The following DOK5 variants were observed in gnomAD, a reference collection of about 807,000 sequenced individuals.
DOK5 encodes the protein downstream of tyrosine kinase 5.
DOK5 carries 27 observed loss-of-function variants against 43.3 expected under a neutral mutation model. The observed-to-expected ratio is 0.62, with a 90% CI of 0.46 to 0.86. The LOEUF (loss-of-function observed/expected upper bound fraction) is 0.86, where lower values mean the gene tolerates loss of function less well. DOK5 is among the 40% of genes least tolerant of loss of function. The pLI is 0.00. For synonymous variants in DOK5, 146 were observed against 140.1 expected, an observed-to-expected ratio of 1.04 and a Z score of -0.30; for missense variants, 373 against 392.9, an observed-to-expected ratio of 0.95 and a Z score of 0.43.
chr20:54,645,629 A>G (rs1290083874), intron 7 of DOK5, among the ~76,000 whole-genome samples: 1 of 152,044 alleles, frequency 6.6e-6, no homozygotes. Context: ...ACTGGAGTGG[A>G]CATCTCTGAT....
intron 1 of DOK5, among the ~76,000 whole-genome samples, chr20:54,485,282 G>C (rs890257810): frequency 6.6e-6 from 1 of 151,490 alleles, no homozygotes; most frequent in African/African-American, 2.4e-5. Context: ...TGCAGTGAGC[G>C]GCGGAGGTTG....
At chr20:54,635,887 G>T (rs73280939) in intron 6 of DOK5, among the ~76,000 whole-genome samples, 3,399 of 152,150 alleles carry the variant, frequency 0.022, 96 homozygotes, top group African/African-American at 0.062. Context: ...TTATTTTTAC[G>T]GCTATAACAG....
chr20:54,563,922 T>G (rs539954159), intron 2 of DOK5, among the ~76,000 whole-genome samples: 1 of 152,154 alleles, frequency 6.6e-6, no homozygotes, highest in Non-Finnish European at 1.5e-5. Context: ...CTTGAACTAA[T>G]GCTAGAAAGA....
chr20:54,510,216 A>AG (rs1469565304), intron 1 of DOK5, among the ~76,000 whole-genome samples: 2 of 152,192 alleles, frequency 1.3e-5, no homozygotes, highest in African/African-American at 2.4e-5. Context: ...TTCTTACTGT[A>AG]GGTTCTCCTT....
chr20:54,536,172 A>G (rs971452138), intron 1 of DOK5, among the ~76,000 whole-genome samples: 8 of 152,228 alleles, frequency 5.3e-5, no homozygotes, highest in Admixed American at 2.0e-4. Context: ...AAATAATTTA[A>G]GGTATTGACT....
At chr20:54,477,310 A>G (rs967999803) in intron 1 of DOK5, among the ~76,000 whole-genome samples, 2 of 152,180 alleles carry the variant, frequency 1.3e-5, no homozygotes, top group African/African-American at 4.8e-5. Context: ...AACATCCGCA[A>G]TTATTATAAA....
intron 2 of DOK5, among the ~76,000 whole-genome samples, chr20:54,578,218 G>C (rs1568792665): frequency 1.3e-5 from 2 of 152,090 alleles, no homozygotes; most frequent in Admixed American, 6.6e-5. Context: ...AATTACTTCA[G>C]GATGTCAAAA....
At chr20:54,592,533 T>G (rs1443563915) in intron 5 of DOK5, among the ~76,000 whole-genome samples, 1 of 151,824 alleles carries the variant, frequency 6.6e-6, no homozygotes, top group African/African-American at 2.4e-5. Context: ...TTGGGAACAC[T>G]GCAGGTAATT....
chr20:54,607,673 T>C (rs1233654158), intron 5 of DOK5, among the ~76,000 whole-genome samples: 3 of 151,718 alleles, frequency 2.0e-5, no homozygotes, highest in Non-Finnish European at 2.9e-5. Flanking sequence ...GATCACGAGG[T>C]CAGGAGTTCG....
chr20:54,575,971 T>A (rs1314915397), intron 2 of DOK5, among the ~76,000 whole-genome samples: 1 of 152,142 alleles, frequency 6.6e-6, no homozygotes, highest in Non-Finnish European at 1.5e-5. Context: ...TTTCCATATT[T>A]GAAAATCTTA....
intron 1 of DOK5, among the ~76,000 whole-genome samples, chr20:54,501,064 G>A (rs1010229434): frequency 6.6e-6 from 1 of 152,172 alleles, no homozygotes; most frequent in African/African-American, 2.4e-5. Context: ...TGGAATGGAT[G>A]TGATAATGAA....
intron 1 of DOK5, among the ~76,000 whole-genome samples, chr20:54,499,783 A>G (rs6091896): frequency 0.015 from 2,310 of 152,338 alleles, 51 homozygotes; most frequent in African/African-American, 0.052. Flanking sequence ...CTGGGATTCA[A>G]TGGAATCTCA....
chr20:54,591,797 G>C lies in DOK5; in HGVS notation c.591G>C (p.Glu197Asp). Reference sequence around the variant, plus strand: ...GTGATACTACGTGGTTCACTTTTGAGGCAGGGAGGTGAGTTTAATGACTTT... The same window carrying C: ...GTGATACTACGTGGTTCACTTTTGACGCAGGGAGGTGAGTTTAATGACTTT... ...YGRDTTWFTF[E>D]AGRMCETGEG... The change falls in exon 5 of 8, where the codon GAG becomes GAC. Residue 197 changes from glutamate to aspartate, a missense_variant. Transcript: ENST00000262593. 6.2e-7 allele frequency: 1 copy of C among 1,610,916 alleles called. No homozygotes were observed. Among genetic ancestry groups the C allele is most frequent in the South Asian group, 1.1e-5 (1 of 90,242 alleles).
At chr20:54,582,132 T>C (rs2071788735) in intron 2 of DOK5, among the ~76,000 whole-genome samples, 1 of 152,002 alleles carries the variant, frequency 6.6e-6, no homozygotes, top group African/African-American at 2.4e-5. Context: ...GGTGATGATA[T>C]ACTTTTCATC....
At chr20:54,647,487 A>G (rs971760945) in intron 7 of DOK5, among the ~76,000 whole-genome samples, 1 of 151,556 alleles carries the variant, frequency 6.6e-6, no homozygotes, top group African/African-American at 2.4e-5. Context: ...CCTGGGCAAC[A>G]AGAGTGAAAC....
At chr20:54,610,725 A>G (rs897905880) in intron 6 of DOK5, among the ~76,000 whole-genome samples, 3 of 152,212 alleles carry the variant, frequency 2.0e-5, no homozygotes, top group African/African-American at 7.2e-5. Context: ...CATCCCCATT[A>G]TCTACTTTAC....
chr20:54,529,863 T>G (rs767473521), intron 1 of DOK5, among the ~76,000 whole-genome samples: 1 of 152,362 alleles, frequency 6.6e-6, no homozygotes, highest in East Asian at 1.9e-4. Flanking sequence ...TAGTACATTG[T>G]TTTTGAAGTT....
At chr20:54,477,460 A>G (rs984255245) in intron 1 of DOK5, among the ~76,000 whole-genome samples, 7 of 152,330 alleles carry the variant, frequency 4.6e-5, no homozygotes, top group African/African-American at 1.4e-4. Flanking sequence ...CACCATTTCC[A>G]TCAGCTCTGC....
At chr20:54,584,168 AAAAT>A (rs891784515) in intron 2 of DOK5, among the ~76,000 whole-genome samples, 1 of 151,668 alleles carries the variant, frequency 6.6e-6, no homozygotes, top group Non-Finnish European at 1.5e-5. Flanking sequence ...ATAAATAATA[AAAAT>A]AAATAAATAT....
Sources: allele counts gnomAD v4.1 joint callset (sites outside exome capture counted in the v4.1 genomes callset), GRCh38; gene constraint gnomAD v4.1.1; transcripts MANE v1.5; gene names NCBI Gene and HGNC (gene_info 2026-07-23, HGNC 2026-07-21).